CCDC192: variants seen among roughly 807,000 people sequenced by gnomAD.
CCDC192 encodes coiled-coil domain-containing protein 192.
intron 6 of CCDC192, among the ~76,000 whole-genome samples, chr5:127,915,446 A>G (rs1338890656): frequency 2.0e-5 from 3 of 152,170 alleles, no homozygotes; most frequent in African/African-American, 7.2e-5. Flanking sequence ...CAGTGGCGCA[A>G]TCTCTGCTCC....
rs561931191 is a variant in CCDC192, at chr5:127,835,252, T to C, written c.411+37090T>C. On this transcript the variant is annotated intron_variant, in intron 5 of 6. Transcript: ENST00000514853. Reference sequence around the variant, plus strand: ...TGAAATTAAAATATTAAGGATAAAATTGGTTCAGTTTACACATCAGGAAAC... The same window carrying C: ...TGAAATTAAAATATTAAGGATAAAACTGGTTCAGTTTACACATCAGGAAAC... 1.2e-3 allele frequency among the ~76,000 whole-genome samples: 186 copies of C among 152,306 alleles called. 1 individual carries two copies. The highest frequency in any genetic ancestry group is 6.8e-3 in the Middle Eastern group (2 of 294).
chr5:127,899,236 G>C (rs942465951), intron 6 of CCDC192, among the ~76,000 whole-genome samples: 3 of 152,162 alleles, frequency 2.0e-5, no homozygotes, highest in African/African-American at 7.2e-5. Context: ...GAGGAGAAAA[G>C]AGGACCAAAC....
intron 5 of CCDC192, among the ~76,000 whole-genome samples, chr5:127,830,223 G>C (rs1749722895): frequency 6.6e-6 from 1 of 152,054 alleles, no homozygotes; most frequent in African/African-American, 2.4e-5. Context: ...TTGATTTTTA[G>C]TCAAGAGTTT....
At chr5:127,838,386 T>G (rs1750130185) in intron 5 of CCDC192, 1 of 152,256 alleles carries the variant, frequency 6.6e-6, no homozygotes, top group Admixed American at 6.5e-5. Flanking sequence ...TTGGTGATAC[T>G]GAGAAAATAA....
intron 2 of CCDC192, among the ~76,000 whole-genome samples, chr5:127,716,775 T>G (rs943784888): frequency 1.3e-5 from 2 of 152,188 alleles, no homozygotes; most frequent in Admixed American, 1.3e-4. Flanking sequence ...TGCAGGGCCA[T>G]AAGATGTGAC....
At chr5:127,938,911 G>A (rs2126337100) in intron 6 of CCDC192, among the ~76,000 whole-genome samples, 1 of 151,954 alleles carries the variant, frequency 6.6e-6, no homozygotes, top group South Asian at 2.1e-4. Context: ...TCCCTCTCCT[G>A]GGCTGGAAAG....
chr5:127,715,717 G>T (rs1466138003), intron 2 of CCDC192, among the ~76,000 whole-genome samples: 1 of 152,154 alleles, frequency 6.6e-6, no homozygotes, highest in Non-Finnish European at 1.5e-5. Context: ...ATGAACATGA[G>T]AAATCTTTCC....
intron 3 of CCDC192, among the ~76,000 whole-genome samples, chr5:127,763,392 T>C (rs535058026): frequency 6.6e-6 from 1 of 152,252 alleles, no homozygotes; most frequent in Admixed American, 6.5e-5. Flanking sequence ...CCCAAATCAC[T>C]CTTGAATCCA....
At position 127,724,601 on chromosome 5, in the gene CCDC192, A is replaced by G. The variant is rs561238261; in HGVS notation, c.114+16841A>G. Among the ~76,000 whole-genome samples the G allele has an allele frequency of 3.9e-5, 6 of 152,324 alleles. No homozygotes were observed. The East Asian group carries it at 9.6e-4, about 24-fold the overall frequency. On this transcript the variant is annotated intron_variant, in intron 2 of 6. Coordinates refer to ENST00000514853, the MANE Select transcript of CCDC192 (RefSeq NM_001317938.2). The stretch of plus-strand genomic sequence containing the variant: ...CACAGTGGCTCATGCCTGTAATCCC[A>G]GCACTTTCGGAGGCTGAGGCGGGTG...
At chr5:127,735,416 T>C (rs1034490255) in intron 2 of CCDC192, among the ~76,000 whole-genome samples, 2 of 148,856 alleles carry the variant, frequency 1.3e-5, no homozygotes, top group African/African-American at 5.1e-5. Context: ...TGTGGGCTCT[T>C]TTTTGGTTCC....
At chr5:127,756,931 A>G (rs1261764535) in intron 3 of CCDC192, among the ~76,000 whole-genome samples, 1 of 152,270 alleles carries the variant, frequency 6.6e-6, no homozygotes, top group Non-Finnish European at 1.5e-5. Context: ...TTTCACAAAT[A>G]GCTCCTAATA....
At chr5:127,791,373 A>T (rs1209184995) in intron 3 of CCDC192, among the ~76,000 whole-genome samples, 1 of 152,366 alleles carries the variant, frequency 6.6e-6, no homozygotes, top group East Asian at 1.9e-4. Context: ...TTTTGGAATT[A>T]TATTTAAGTA....
At chr5:127,895,071 A>T (rs970235319) in intron 6 of CCDC192, among the ~76,000 whole-genome samples, 2 of 152,088 alleles carry the variant, frequency 1.3e-5, no homozygotes, top group African/African-American at 2.4e-5. Flanking sequence ...GTGCTGCGGT[A>T]TTTTGCTGCA....
intron 5 of CCDC192, among the ~76,000 whole-genome samples, chr5:127,801,252 T>G (rs1182685134): frequency 2.0e-5 from 3 of 152,140 alleles, no homozygotes; most frequent in Admixed American, 6.5e-5. Context: ...TGCTGAAGAT[T>G]AGGAAATAAC....
At chr5:127,767,614 G>A (rs771260885) in intron 3 of CCDC192, among the ~76,000 whole-genome samples, 28 of 151,972 alleles carry the variant, frequency 1.8e-4, no homozygotes, top group Admixed American at 7.9e-4. Flanking sequence ...TCTTTCCCAT[G>A]TCTTTTCATT....
At chr5:127,936,653 G>C (rs1344592251) in intron 6 of CCDC192, among the ~76,000 whole-genome samples, 1 of 152,246 alleles carries the variant, frequency 6.6e-6, no homozygotes, top group African/African-American at 2.4e-5. Flanking sequence ...AAAGTGATGA[G>C]TTTATACCCT....
intron 2 of CCDC192, among the ~76,000 whole-genome samples, chr5:127,752,801 G>C (rs1167638925): frequency 1.3e-5 from 2 of 152,226 alleles, no homozygotes; most frequent in Non-Finnish European, 2.9e-5. Context: ...CCAGGTGCGA[G>C]ATATAATCTC....
chr5:127,769,793 A>G (rs1755443997), intron 3 of CCDC192, among the ~76,000 whole-genome samples: 1 of 152,226 alleles, frequency 6.6e-6, no homozygotes, highest in African/African-American at 2.4e-5. Flanking sequence ...GGAAACCTTG[A>G]CAAGTTCCAT....
At chr5:127,774,554 A>AT (rs1755750797) in intron 3 of CCDC192, among the ~76,000 whole-genome samples, 1 of 152,180 alleles carries the variant, frequency 6.6e-6, no homozygotes, top group South Asian at 2.1e-4. Flanking sequence ...TCAAACATCA[A>AT]TTAGCCATAG....
Sources: gnomAD v4.1 joint callset for allele counts (sites outside exome capture counted in the v4.1 genomes callset) on GRCh38, gnomAD v4.1.1 for gene constraint, MANE v1.5 for transcripts, NCBI Gene and HGNC (gene_info 2026-07-23, HGNC 2026-07-21) for gene names.